DOP1A: variants seen among roughly 807,000 people sequenced by gnomAD.
DOP1A encodes protein DOP1A.
A neutral mutation model predicts 267.6 loss-of-function variants in DOP1A; 90 were observed. The ratio of observed to expected loss-of-function variants is 0.34; its 90% CI spans 0.28 to 0.40. DOP1A has a LOEUF of 0.40. Among genes scored for constraint, DOP1A ranks in the 10% least tolerant of loss-of-function variants. The pLI, the probability that DOP1A is intolerant of heterozygous loss-of-function variation, is 1.00. For missense variants in DOP1A, 2,437 were observed against 2,900.4 expected, an observed-to-expected ratio of 0.84 and a Z score of 3.67; for synonymous variants, 932 against 999.1, an observed-to-expected ratio of 0.93 and a Z score of 1.27.
chr6:83,092,768 A>G (rs577981307), intron 1 of DOP1A, among the ~76,000 whole-genome samples: 5 of 152,292 alleles, frequency 3.3e-5, no homozygotes, highest in African/African-American at 9.6e-5. Flanking sequence ...CTGTGCTACC[A>G]CAACAGTCAG....
rs1779152183 is a variant in DOP1A at position 83,138,408 on chromosome 6, C to A, written c.4366C>A (p.Leu1456Ile). 2 of 1,611,148 alleles carry A rather than the reference C, an allele frequency of 1.2e-6. No homozygotes were observed. Among genetic ancestry groups the A allele is most frequent in the African/African-American group, 1.3e-5 (1 of 74,892 alleles). ...CCGGAGTTCTATGTACATAGAAATTCTTATTTCTCTCTGCTTATATTACAT... is the reference window on the plus strand; with the variant it reads ...CCGGAGTTCTATGTACATAGAAATTATTATTTCTCTCTGCTTATATTACAT... ...NFRSSMYIEI[L>I]ISLCLYYMRS... is the part of the protein sequence containing the mutation. Residue 1456 changes from leucine (L) to isoleucine (I), a missense_variant, in exon 21 of 39, where the codon CTT becomes ATT. Leu to Ile is a conservative substitution (Grantham distance 5). This residue lies in a region of DOP1A where 878 missense variants were observed against 992.9 expected (regional missense o/e 0.88). Coordinates refer to ENST00000349129, the MANE Select transcript of DOP1A (RefSeq NM_015018.4).
chr6:83,080,121 T>C (rs1333861054), intron 1 of DOP1A, among the ~76,000 whole-genome samples: 2 of 152,208 alleles, frequency 1.3e-5, no homozygotes, highest in East Asian at 3.9e-4. Context: ...TTTTTTCCCC[T>C]GCCATCTAAA....
Position 83,140,377 on chromosome 6 carries a change from A to G in DOP1A, c.5389A>G (p.Thr1797Ala), listed in dbSNP as rs753781680. 3.1e-6 allele frequency: 5 copies of G among 1,610,600 alleles called. No individual in the cohort carries two copies. In the African/African-American group the frequency reaches 6.7e-5, roughly 22 times the overall value. The change falls in exon 23 of 39, where the codon ACC becomes GCC. Residue 1797 changes from threonine to alanine, a missense_variant. Around this residue, in one of 9 missense-constraint regions of DOP1A, gnomAD observed 307 missense variants for 308.6 expected, o/e 0.99. Coordinates refer to ENST00000349129, the MANE Select transcript of DOP1A (RefSeq NM_015018.4). ...GACTATTGCCGCATCCGCATCTCTT[A>G]CCACTATTAATCTTGGAGCTACAAA... ...KMTIAASASLTTINLGATKNL... is the reference protein window; with the variant it reads ...KMTIAASASLATINLGATKNL...
intron 30 of DOP1A, among the ~76,000 whole-genome samples, chr6:83,152,620 C>CTTTTTTTTTTTTTTTTTTTTTTTTT (rs35823510): frequency 7.5e-6 from 1 of 133,890 alleles, no homozygotes; most frequent in African/African-American, 2.7e-5. Context: ...TTTTCTTTTT[C>CTTTTTTTTTTTTTTTTTTTTTTTTT]TTTTTTTTTT....
At chr6:83,171,344 T>G (rs1787069756), downstream of DOP1A, 1 of 152,162 alleles carries the variant, frequency 6.6e-6, no homozygotes, top group Admixed American at 6.5e-5. Flanking sequence ...AAAATCTCTT[T>G]AAAAAAGTGA....
At chr6:83,145,445 T>A in intron 24 of DOP1A, 79 bp from the exon 25 acceptor site, 2 of 1,218,732 alleles carry the variant, frequency 1.6e-6, no homozygotes, top group Non-Finnish European at 2.2e-6. Context: ...AAAGAAGAGA[T>A]CATAAAATAC....
At chr6:83,168,567 A>G (rs1391926468), downstream of DOP1A, 5 of 998,154 alleles carry the variant, frequency 5.0e-6, no homozygotes, top group African/African-American at 8.7e-5. Context: ...TTCCTTCTCC[A>G]TCAGAGGCTG....
chr6:83,073,562 G>C (rs1785969327), intron 1 of DOP1A, among the ~76,000 whole-genome samples: 1 of 152,182 alleles, frequency 6.6e-6, no homozygotes, highest in South Asian at 2.1e-4. Flanking sequence ...TTCAGAGATT[G>C]TGGTTGAAAA....
downstream of DOP1A, chr6:83,170,615 A>G (rs1428304805): frequency 1.4e-6 from 1 of 694,934 alleles, no homozygotes; most frequent in African/African-American, 1.8e-5. Flanking sequence ...GGTCAGGGTA[A>G]TTAATTTCAA....
chr6:83,119,933 G>C (rs2128212156), intron 9 of DOP1A, 76 bp downstream of exon 9: 2 of 1,179,236 alleles, frequency 1.7e-6, no homozygotes, highest in African/African-American at 1.6e-5. Context: ...ACGAGGTCTT[G>C]CCTTAATTGA....
intron 38 of DOP1A, chr6:83,165,855 G>T: frequency 2.9e-6 from 1 of 342,300 alleles, no homozygotes; most frequent in Non-Finnish European, 5.8e-6. Context: ...AGTTTTTGGT[G>T]CATCTCATTG....
intron 1 of DOP1A, among the ~76,000 whole-genome samples, chr6:83,096,488 A>C (rs1260029132): frequency 2.0e-5 from 3 of 150,426 alleles, no homozygotes; most frequent in African/African-American, 7.4e-5. Context: ...CTTATTACTT[A>C]ATAAAATGAT....
chr6:83,121,377 A>G (rs1776354281), intron 10 of DOP1A, among the ~76,000 whole-genome samples: 1 of 151,796 alleles, frequency 6.6e-6, no homozygotes, highest in Non-Finnish European at 1.5e-5. Flanking sequence ...AACTTGAATT[A>G]TATAAATGGT....
chr6:83,076,134 G>A (rs1281532753), intron 1 of DOP1A, among the ~76,000 whole-genome samples: 1 of 152,188 alleles, frequency 6.6e-6, no homozygotes, highest in Non-Finnish European at 1.5e-5. Context: ...TACTCTTACA[G>A]TTCAATAACA....
intron 4 of DOP1A, 65 bp downstream of exon 4, chr6:83,100,951 T>C (rs1772457924): frequency 9.1e-7 from 1 of 1,102,958 alleles, no homozygotes; most frequent in Non-Finnish European, 1.2e-6. Context: ...AACTATTTTA[T>C]ACTTTCTGCA....
chr6:83,125,546 T>G lies in DOP1A; in HGVS notation c.1532T>G (p.Leu511Arg), dbSNP rs761714789. The G allele has an allele frequency of 6.2e-7, 1 of 1,613,760 alleles. No individual in the cohort carries two copies. Among genetic ancestry groups the G allele is most frequent in the Non-Finnish European group, 8.5e-7 (1 of 1,179,764 alleles). Residue 511 changes from leucine to arginine, a missense_variant, in exon 15 of 39, where the codon CTC becomes CGC. By Grantham distance (102) the Leu-to-Arg change is moderately radical. Coordinates refer to ENST00000349129, the MANE Select transcript of DOP1A (RefSeq NM_015018.4). ...IQTEHLPQLL[L>R]RMISALTSHL... Reference sequence around the variant, plus strand: ...ACAGAACACTTGCCCCAGTTGCTGCTCAGAATGATTTCTGCCTTGACAAGC... The same window carrying G: ...ACAGAACACTTGCCCCAGTTGCTGCGCAGAATGATTTCTGCCTTGACAAGC...
chr6:83,079,387 AT>A (rs1026959587), intron 1 of DOP1A, among the ~76,000 whole-genome samples: 1 of 151,930 alleles, frequency 6.6e-6, no homozygotes, highest in African/African-American at 2.4e-5. Flanking sequence ...ATTCCATGGG[AT>A]TTTTTTTAAT....
At position 83,110,060 on chromosome 6, in the gene DOP1A, T is replaced by G; in HGVS notation, c.492-65T>G. On this transcript the variant is annotated intron_variant, in intron 5 of 38. Transcript: ENST00000349129. ...GTTTGCATACATTTTTGGAAAAGAA[T>G]GATTTATTTTTTAAAATATGAAACT... 2.7e-6 allele frequency: 4 copies of G among 1,468,106 alleles called. No individual in the cohort carries two copies. The South Asian group carries it at 6.1e-5, about 23-fold the overall frequency. The allele number at this position is 1,468,106 out of a possible 1,614,324, so 90.9% of individuals were successfully genotyped here.
chr6:83,071,552 T>C (rs1422552932), intron 1 of DOP1A, among the ~76,000 whole-genome samples: 2 of 152,130 alleles, frequency 1.3e-5, no homozygotes, highest in African/African-American at 4.8e-5. Flanking sequence ...CCTCGGATCT[T>C]ATAAAATCAT....
Sources: gnomAD v4.1 joint callset for allele counts (sites outside exome capture counted in the v4.1 genomes callset) on GRCh38, gnomAD v4.1.1 for gene constraint, gnomAD v4.1.1 regional missense constraint, MANE v1.5 for transcripts, NCBI Gene and HGNC (gene_info 2026-07-23, HGNC 2026-07-21) for gene names.